Variants in ACSL1 observed in about 807,000 individuals in gnomAD.
The protein encoded by ACSL1 is long-chain-fatty-acid--CoA ligase 1.
Under a neutral mutation model 98.4 loss-of-function variants are expected in ACSL1, and 41 were observed. The ratio of observed to expected loss-of-function variants is 0.42; its 90% CI spans 0.32 to 0.54. The LOEUF is 0.54. ACSL1 is among the 20% of genes least tolerant of loss of function. The pLI, the probability that ACSL1 is intolerant of heterozygous loss-of-function variation, is 0.13. For missense variants in ACSL1, 734 were observed against 883.1 expected (o/e 0.83, Z 2.14); for synonymous variants, 316 against 322.7 (o/e 0.98, Z 0.22).
At position 184,766,810 on chromosome 4, in the gene ACSL1, AAAGAGT is replaced by A. The variant is rs1763680904; in HGVS notation, c.1129-60_1129-55del. 4.5e-6 allele frequency: 7 copies of A among 1,564,346 alleles called. No individual in the cohort carries two copies. The African/African-American group carries it at 9.5e-5, about 21-fold the overall frequency. ...CACACCTACTAGGATGGCCAGAGTC[AAAGAGT>A]GTGGAGAAATCAGAACCCTCACACA... On this transcript the variant is annotated intron_variant, in intron 12 of 20. Coordinates refer to ENST00000281455, the MANE Select transcript of ACSL1 (RefSeq NM_001995.5). This position sits in a 1 kb window ranked among gnomAD's most constrained non-coding sequence, Gnocchi z 4.8.
At position 184,803,821 on chromosome 4, in the gene ACSL1, A is replaced by G. The variant is rs1294654014; in HGVS notation, c.-32-275T>C. On this transcript the variant is annotated intron_variant, in intron 1 of 20. Transcript: ENST00000281455. This position sits in a 1 kb window ranked among gnomAD's most constrained non-coding sequence, Gnocchi z 4.8. ...TAACCATATTAAAAAGATTTTACTC[A>G]AGAAGAATTCTTCCCATAAAAACTC... Among the ~76,000 whole-genome samples the G allele has an allele frequency of 6.6e-6, 1 of 151,774 alleles. No individual in the cohort carries two copies. Among genetic ancestry groups the G allele is most frequent in the Non-Finnish European group, 1.5e-5 (1 of 67,680 alleles).
In ACSL1 at chr4:184,764,890, G is replaced by T. The variant is rs150765294; in HGVS notation, c.1395C>A (p.Ala465=). 1 of 1,613,746 alleles carries T rather than the reference G, an allele frequency of 6.2e-7. No individual in the cohort carries two copies. Among genetic ancestry groups the T allele is most frequent in the African/African-American group, 1.3e-5 (1 of 74,862 alleles). The change falls in exon 15 of 21, where the codon GCC becomes GCA. Residue 465 remains alanine (A), a synonymous_variant. Transcript: ENST00000281455. ...CTCCAGGCATGGTCAGGCAGCACCCGGCAGTGCACTCTGTCTGTCCGTATC... is the reference window on the plus strand; with the variant it reads ...CTCCAGGCATGGTCAGGCAGCACCCTGCAGTGCACTCTGTCTGTCCGTATC... ...YEGYGQTECT[A]GCCLTMPGDW... is the part of the protein sequence containing the mutation.
rs746243278 is a variant in ACSL1 at position 184,788,579 on chromosome 4, G to A, written c.310+38C>T. On this transcript the variant is annotated intron_variant, in intron 3 of 20. Transcript: ENST00000281455. ...AGGCCACTCGTTCTTCATGAAACAC[G>A]GCGAGCGGGAGCCACGCAAATGCAG... 1.1e-5 allele frequency: 17 copies of A among 1,508,730 alleles called. No individual in the cohort carries two copies. In the East Asian group the frequency reaches 1.1e-4, roughly 10 times the overall value. 93.5% of individuals were successfully genotyped at this position (1,508,730 alleles called of 1,614,324 possible). A position where few individuals can be genotyped will look rare whatever the true frequency, so the allele number is the denominator to read the frequency against.
chr4:184,796,327 T>C (rs967832942), intron 2 of ACSL1, among the ~76,000 whole-genome samples: 2 of 152,186 alleles, frequency 1.3e-5, no homozygotes, highest in African/African-American at 4.8e-5. Flanking sequence ...TAATGCTCCT[T>C]AATAAACTCC....
chr4:184,811,318 T>C (rs900938852), intron 1 of ACSL1, among the ~76,000 whole-genome samples: 27 of 152,038 alleles, frequency 1.8e-4, no homozygotes, highest in African/African-American at 5.6e-4. Flanking sequence ...TTCACCGTGT[T>C]GGCCAGGATG....
In ACSL1 at chr4:184,757,997, T is replaced by C. The variant is rs1762342171; in HGVS notation, c.1783-77A>G. ...ATAGTGGTTCTTTATTTTTCCATCT[T>C]GTGGCCCCCTGGGAGAATATGATGA... is the stretch of plus-strand genomic sequence containing the variant. On this transcript the variant is annotated intron_variant, in intron 18 of 20. Coordinates refer to ENST00000281455, the MANE Select transcript of ACSL1 (RefSeq NM_001995.5). The surrounding 1 kb of genome is among the most constrained non-coding windows in gnomAD (Gnocchi z 4.5). The C allele has an allele frequency of 6.5e-6, 9 of 1,378,490 alleles. No individual in the cohort carries two copies. Among genetic ancestry groups the C allele is most frequent in the Non-Finnish European group, 9.2e-6 (9 of 976,810 alleles). The allele number at this position is 1,378,490 out of a possible 1,614,324, so 85.4% of individuals were successfully genotyped here. A position where few individuals can be genotyped will look rare whatever the true frequency, so the allele number is the denominator to read the frequency against.
At position 184,773,861 on chromosome 4, in the gene ACSL1, G is replaced by A. The variant is rs1764875390; in HGVS notation, c.771C>T (p.Ala257=). ...TGCTTACCTTGGGCTTCCGTCTGTT[G>A]GCTCTTCCCAGGTCCTTAATTAGAA... The part of the protein sequence containing the change: ...SMKAMEDLGR[A]NRRKPKPPAP... Residue 257 remains alanine, a synonymous_variant, in exon 8 of 21, where the codon GCC becomes GCT. Coordinates refer to ENST00000281455, the MANE Select transcript of ACSL1 (RefSeq NM_001995.5). The surrounding 1 kb of genome is among the most constrained non-coding windows in gnomAD (Gnocchi z 4.3). 8.7e-6 allele frequency: 14 copies of A among 1,613,736 alleles called. No individual in the cohort carries two copies. The highest frequency in any genetic ancestry group is 1.2e-5 in the Non-Finnish European group (14 of 1,179,844).
chr4:184,766,106 G>A lies in ACSL1; in HGVS notation c.1264-120C>T, dbSNP rs953422682. On this transcript the variant is annotated intron_variant, in intron 13 of 20. Coordinates refer to ENST00000281455, the MANE Select transcript of ACSL1 (RefSeq NM_001995.5). This position sits in a 1 kb window ranked among gnomAD's most constrained non-coding sequence, Gnocchi z 4.8. ...AACCCATAGCTGCAGACCACACGGA[G>A]GCCACACGGAGAACTCACAGCCCTC... is the stretch of plus-strand genomic sequence containing the variant. 9.3e-6 allele frequency: 8 copies of A among 862,254 alleles called. No homozygotes were observed. In the Admixed American group the frequency reaches 2.0e-4, roughly 21 times the overall value. 53.4% of individuals were successfully genotyped at this position (862,254 alleles called of 1,614,324 possible).
rs186730787 is a variant in ACSL1 at position 184,779,406 on chromosome 4, C to T, written c.477+926G>A. On this transcript the variant is annotated intron_variant, in intron 5 of 20. Coordinates refer to ENST00000281455, the MANE Select transcript of ACSL1 (RefSeq NM_001995.5). ...AGGCCCCCCCAGCCATGTGAAACTG[C>T]AAGTCCAATTAAACCTCTTTTTGTT... is the stretch of plus-strand genomic sequence containing the variant. 3.8e-3 allele frequency among the ~76,000 whole-genome samples: 575 copies of T among 152,332 alleles called. 5 individuals are homozygous for T. Among genetic ancestry groups the T allele is most frequent in the Non-Finnish European group, 5.6e-3 (383 of 68,034 alleles).
chr4:184,757,068 TCAG>T lies in ACSL1; in HGVS notation c.*54_*56del. 6.7e-7 allele frequency: 1 copy of T among 1,498,914 alleles called. No homozygotes were observed. The highest frequency in any genetic ancestry group is 9.0e-7 in the Non-Finnish European group (1 of 1,110,754). The allele number at this position is 1,498,914 out of a possible 1,614,324, so 92.9% of individuals were successfully genotyped here. A position where few individuals can be genotyped will look rare whatever the true frequency, so the allele number is the denominator to read the frequency against. On this transcript the variant is annotated 3_prime_UTR_variant, in exon 21 of 21. Transcript: ENST00000281455. This position sits in a 1 kb window ranked among gnomAD's most constrained non-coding sequence, Gnocchi z 4.5. The stretch of plus-strand genomic sequence containing the variant: ...TTCAAAATTAACAACATGAAGGCCA[TCAG>T]CAGGAGAAGAGATTGTGGAACTGTG...
chr4:184,767,209 G>A (rs938515110), intron 12 of ACSL1, among the ~76,000 whole-genome samples: 1 of 151,052 alleles, frequency 6.6e-6, no homozygotes, highest in Admixed American at 6.6e-5. Context: ...TTGAGCCCTG[G>A]AGGTGGAGGC....
chr4:184,823,107 C>G (rs998919988), intron 1 of ACSL1, among the ~76,000 whole-genome samples: 6 of 152,202 alleles, frequency 3.9e-5, no homozygotes, highest in Admixed American at 1.3e-4. Flanking sequence ...GCCCCAGTGT[C>G]AAAGGCACTT....
intron 1 of ACSL1, among the ~76,000 whole-genome samples, chr4:184,814,818 G>A (rs1463797922): frequency 1.3e-5 from 2 of 152,046 alleles, no homozygotes; most frequent in Admixed American, 6.6e-5. Context: ...GCTTTGCCCC[G>A]TCTGCCCACG....
rs2150360153 is a variant in ACSL1, at chr4:184,783,966, C to T, written c.336G>A (p.Arg112=). 6.2e-7 allele frequency: 1 copy of T among 1,613,906 alleles called. No homozygotes were observed. Residue 112 remains arginine (R), a synonymous_variant, in exon 4 of 21, where the codon CGG becomes CGA. Coordinates refer to ENST00000281455, the MANE Select transcript of ACSL1 (RefSeq NM_001995.5). ...GCCATTCATAGGGTTGGTCTGGTTT[C>T]CGAGAGCCTAAACAAGGGCCATTAT... The part of the protein sequence containing the change: ...VSNNGPCLGS[R]KPDQPYEWLS...
chr4:184,801,984 G>A (rs1017282065), intron 2 of ACSL1, among the ~76,000 whole-genome samples: 8 of 152,200 alleles, frequency 5.3e-5, no homozygotes, highest in Admixed American at 4.6e-4. Context: ...AGATGGCAGC[G>A]CTGCCGTGAC....
In ACSL1 at chr4:184,783,916, T is replaced by C. The variant is rs1237433208; in HGVS notation, c.375+11A>G. 19 of 1,612,402 alleles carry C rather than the reference T, an allele frequency of 1.2e-5. No individual in the cohort carries two copies. Among genetic ancestry groups the C allele is most frequent in the Non-Finnish European group, 1.6e-5 (19 of 1,178,748 alleles). Reference sequence around the variant, plus strand: ...AGAGGAGTCCACAGAGCCTGTCTCATACAAACTCACCTGTTTATATGAAAG... The same window carrying C: ...AGAGGAGTCCACAGAGCCTGTCTCACACAAACTCACCTGTTTATATGAAAG... On this transcript the variant is annotated intron_variant, in intron 4 of 20. Coordinates refer to ENST00000281455, the MANE Select transcript of ACSL1 (RefSeq NM_001995.5).
At position 184,765,890 on chromosome 4, in the gene ACSL1, C is replaced by T; in HGVS notation, c.1359+1G>A. On this transcript the variant is annotated splice_donor_variant, in intron 14 of 20. Coordinates refer to ENST00000281455, the MANE Select transcript of ACSL1 (RefSeq NM_001995.5). LOFTEE classifies it high-confidence loss of function. ...ATCAGGCGCCGTGACATCCACCTCACCTGACAGCCCAGGGCTGCTCTGAGG... is the reference window on the plus strand; with the variant it reads ...ATCAGGCGCCGTGACATCCACCTCATCTGACAGCCCAGGGCTGCTCTGAGG... The T allele has an allele frequency of 6.2e-7, 1 of 1,612,464 alleles. No individual in the cohort carries two copies. Among genetic ancestry groups the T allele is most frequent in the Non-Finnish European group, 8.5e-7 (1 of 1,179,000 alleles).
chr4:184,784,018 G>A (rs1465776546), intron 3 of ACSL1, 27 bp from the exon 4 acceptor site: 30 of 1,575,572 alleles, frequency 1.9e-5, no homozygotes, highest in Non-Finnish European at 2.5e-5. Flanking sequence ...AACAACAGAT[G>A]GGCTGAACGT....
intron 2 of ACSL1, among the ~76,000 whole-genome samples, chr4:184,799,217 C>T (rs1770025355): frequency 6.7e-6 from 1 of 150,370 alleles, no homozygotes; most frequent in Admixed American, 6.7e-5. Context: ...CTCCCAGGTT[C>T]AAGCAATTCC....
Sources: allele counts gnomAD v4.1 joint callset (sites outside exome capture counted in the v4.1 genomes callset), GRCh38; gene constraint gnomAD v4.1.1; non-coding constraint Gnocchi (gnomAD v3.1); transcripts MANE v1.5; gene names NCBI Gene and HGNC (gene_info 2026-07-23, HGNC 2026-07-21).